HOXA11: variants seen among roughly 807,000 people sequenced by gnomAD.
The protein encoded by HOXA11 is homeobox protein Hox-A11.
HOXA11 carries 8 observed loss-of-function variants against 22.5 expected under a neutral mutation model. The observed-to-expected ratio is 0.36, with a 90% CI of 0.21 to 0.64. The LOEUF (loss-of-function observed/expected upper bound fraction) is 0.64, where lower values mean the gene tolerates loss of function less well. Ranked by LOEUF, HOXA11 falls within the 30% of genes least tolerant of loss-of-function variation. The pLI is 0.67. For synonymous variants in HOXA11, 211 were observed against 188.4 expected, an observed-to-expected ratio of 1.12 and a Z score of -0.98; for missense variants, 388 against 429.0, an observed-to-expected ratio of 0.90 and a Z score of 0.84.
Position 27,185,099 on chromosome 7 carries a change from GC to G in HOXA11, c.45del (p.Leu15PhefsTer29), listed in dbSNP as rs1783843374. The stretch of plus-strand genomic sequence containing the variant: ...CCCGAGACGTAGTAAGTACAACTTG[GC>G]AAATACATGTTAGAGGAGCAGGGAC... The part of the protein sequence containing the change: ...ERGPCSSNMY[L>X]PSCTYYVSGP... On this transcript the variant is annotated frameshift_variant, in exon 1 of 2. Coordinates refer to ENST00000006015, the MANE Select transcript of HOXA11 (RefSeq NM_005523.6). LOFTEE classifies it high-confidence loss of function. 6.2e-7 allele frequency: 1 copy of G among 1,614,008 alleles called. No individual in the cohort carries two copies. The highest frequency in any genetic ancestry group is 1.3e-5 in the African/African-American group (1 of 74,934).
Position 27,182,418 on chromosome 7 carries a change from C to G in HOXA11, c.*378G>C, listed in dbSNP as rs956345080. 1.9e-5 allele frequency: 8 copies of G among 419,300 alleles called. No individual in the cohort carries two copies. The highest frequency in any genetic ancestry group is 3.1e-5 in the Non-Finnish European group (7 of 226,234). The allele number at this position is 419,300 out of a possible 1,614,324, so 26.0% of individuals were successfully genotyped here. A position where few individuals can be genotyped will look rare whatever the true frequency, so the allele number is the denominator to read the frequency against. ...GCACACAGCTTTTTTACTCAGGGGT[C>G]CTGGGGGTGGGTAGGCTCCCAGTAG... On this transcript the variant is annotated 3_prime_UTR_variant, in exon 2 of 2. Coordinates refer to ENST00000006015, the MANE Select transcript of HOXA11 (RefSeq NM_005523.6).
In HOXA11 at chr7:27,182,361, C is replaced by A. The variant is rs964336522; in HGVS notation, c.*435G>T. 3.0e-6 allele frequency: 1 copy of A among 331,262 alleles called. No individual in the cohort carries two copies. Among genetic ancestry groups the A allele is most frequent in the Non-Finnish European group, 5.7e-6 (1 of 176,888 alleles). 20.5% of individuals were successfully genotyped at this position (331,262 alleles called of 1,614,324 possible). A position where few individuals can be genotyped will look rare whatever the true frequency, so the allele number is the denominator to read the frequency against. Reference sequence around the variant, plus strand: ...CTAGTAATCCTACCCCTTCCTCCTGCCCCTGTCCCCAAGCTGAACTGGGCT... The same window carrying A: ...CTAGTAATCCTACCCCTTCCTCCTGACCCTGTCCCCAAGCTGAACTGGGCT... On this transcript the variant is annotated 3_prime_UTR_variant, in exon 2 of 2. Transcript: ENST00000006015.
Position 27,185,042 on chromosome 7 carries a change from G to A in HOXA11, c.103C>T (p.Pro35Ser), listed in dbSNP as rs777801406. 7 of 1,614,078 alleles carry A rather than the reference G, an allele frequency of 4.3e-6. No homozygotes were observed. The highest frequency in any genetic ancestry group is 2.7e-5 in the African/African-American group (2 of 74,914). Reference sequence around the variant, plus strand: ...ATTGGGCGCGAAGACGGGGTCTGGGGCAGAAAAGAAGGGAGGCTGGAGAAA... The same window carrying A: ...ATTGGGCGCGAAGACGGGGTCTGGGACAGAAAAGAAGGGAGGCTGGAGAAA... The part of the protein sequence containing the change: ...PDFSSLPSFL[P>S]QTPSSRPMTY... The change falls in exon 1 of 2, where the codon CCC becomes TCC. Residue 35 changes from proline (P) to serine (S), a missense_variant. Pro to Ser is a moderately conservative substitution (Grantham distance 74). Transcript: ENST00000006015.
chr7:27,181,536 A>G lies in HOXA11; in HGVS notation c.*1260T>C. 1 of 194,228 alleles carries G rather than the reference A, an allele frequency of 5.1e-6. No homozygotes were observed. Among genetic ancestry groups the G allele is most frequent in the East Asian group, 8.0e-5 (1 of 12,454 alleles). The allele number at this position is 194,228 out of a possible 1,614,324, so 12.0% of individuals were successfully genotyped here. ...AAAATTGATTATGGTTCCTTTATTT[A>G]CAAGTTTTTTGAACACCATCCCTGT... On this transcript the variant is annotated 3_prime_UTR_variant, in exon 2 of 2. Coordinates refer to ENST00000006015, the MANE Select transcript of HOXA11 (RefSeq NM_005523.6).
rs1783835308 is a variant in HOXA11 at position 27,184,788 on chromosome 7, G to A, written c.357C>T (p.Thr119=). ...TATAGAAATTGGACGAGACTGCGGG[G>A]GTGGGGTGGTGGTAGACGTTGGCCG... The part of the protein sequence containing the change: ...KSSANVYHHP[T]PAVSSNFYST... The change falls in exon 1 of 2, where the codon ACC becomes ACT. Residue 119 remains threonine (T), a synonymous_variant. Transcript: ENST00000006015. The A allele has an allele frequency of 6.2e-7, 1 of 1,613,960 alleles. No homozygotes were observed. Among genetic ancestry groups the A allele is most frequent in the South Asian group, 1.1e-5 (1 of 91,088 alleles).
Position 27,185,230 on chromosome 7 carries a change from T to C in HOXA11, c.-86A>G, listed in dbSNP as rs1222914790. 1 of 1,587,578 alleles carries C rather than the reference T, an allele frequency of 6.3e-7. No individual in the cohort carries two copies. The highest frequency in any genetic ancestry group is 8.6e-7 in the Non-Finnish European group (1 of 1,161,408). On this transcript the variant is annotated 5_prime_UTR_variant, in exon 1 of 2. Transcript: ENST00000006015. ...GCCTCTTTGAAGCGGATCCGTGAAG[T>C]AGAAATTTGGAGACGTAAGCTGACG...
rs749763184 is a variant in HOXA11, at chr7:27,184,922, G to T, written c.223C>A (p.Pro75Thr). The T allele has an allele frequency of 1.1e-5, 18 of 1,614,042 alleles. No individual in the cohort carries two copies. The African/African-American group carries it at 1.5e-4, about 13-fold the overall frequency. The change falls in exon 1 of 2, where the codon CCC (proline) becomes ACC (threonine). Residue 75 changes from proline to threonine, a missense_variant. Transcript: ENST00000006015. ...TAGCAGTGGGCCAGATTGCCGCGGG[G>T]GTGCCATTTAGTGGCGGGCTCAATG... ...YAIEPATKWH[P>T]RGNLAHCYSA... is the part of the protein sequence containing the mutation.
intron 1 of HOXA11, among the ~76,000 whole-genome samples, chr7:27,184,133 C>T (rs1783815833): frequency 6.6e-6 from 1 of 152,168 alleles, no homozygotes; most frequent in South Asian, 2.1e-4. Flanking sequence ...CCTCCGGCTC[C>T]CCAGCCTGGA....
Position 27,183,049 on chromosome 7 carries a change from TG to T in HOXA11, c.710-22del, listed in dbSNP as rs770522667. On this transcript the variant is annotated intron_variant, in intron 1 of 1. Transcript: ENST00000006015. The stretch of plus-strand genomic sequence containing the variant: ...GCCACCTGTGGAGGGAGAAAAGGCA[TG>T]GGGTGAGCCAGGTGTGGGGGCTGCA... 9.0e-6 allele frequency: 14 copies of T among 1,552,510 alleles called. No homozygotes were observed. The African/African-American group carries it at 1.9e-4, about 21-fold the overall frequency.
In HOXA11 at chr7:27,181,678, T is replaced by C. The variant is rs1181318140; in HGVS notation, c.*1118A>G. On this transcript the variant is annotated 3_prime_UTR_variant, in exon 2 of 2. Transcript: ENST00000006015. ...CTTTTCCCCTCTACATTGCATCTTT[T>C]AAAATTCGCTTTGGTTCCTTCAGGG... The C allele has an allele frequency of 5.6e-6, 1 of 178,044 alleles. No homozygotes were observed. Among genetic ancestry groups the C allele is most frequent in the Non-Finnish European group, 1.2e-5 (1 of 82,938 alleles). The allele number at this position is 178,044 out of a possible 1,614,324, so 11.0% of individuals were successfully genotyped here.
At position 27,182,734 on chromosome 7, in the gene HOXA11, G is replaced by A. The variant is rs1783791071; in HGVS notation, c.*62C>T. The A allele has an allele frequency of 5.5e-6, 6 of 1,095,762 alleles. No homozygotes were observed. Among genetic ancestry groups the A allele is most frequent in the Non-Finnish European group, 8.5e-6 (6 of 707,960 alleles). The allele number at this position is 1,095,762 out of a possible 1,614,324, so 67.9% of individuals were successfully genotyped here. A position where few individuals can be genotyped will look rare whatever the true frequency, so the allele number is the denominator to read the frequency against. ...ACCATGTGGCTTGACTTTGTCAAGG[G>A]CAAAATCTGCATATTATCTCATGTG... On this transcript the variant is annotated 3_prime_UTR_variant, in exon 2 of 2. Coordinates refer to ENST00000006015, the MANE Select transcript of HOXA11 (RefSeq NM_005523.6).
rs985610829 is a variant in HOXA11, at chr7:27,182,627, A to G, written c.*169T>C. On this transcript the variant is annotated 3_prime_UTR_variant, in exon 2 of 2. Coordinates refer to ENST00000006015, the MANE Select transcript of HOXA11 (RefSeq NM_005523.6). ...ATTATTAGGAATCTTAACCACTGAG[A>G]TCTTAATCAAGAGAGTCCCAGACCA... 8.8e-6 allele frequency: 6 copies of G among 684,716 alleles called. No homozygotes were observed. The African/African-American group carries it at 1.1e-4, about 12-fold the overall frequency. 42.4% of individuals were successfully genotyped at this position (684,716 alleles called of 1,614,324 possible). A position where few individuals can be genotyped will look rare whatever the true frequency, so the allele number is the denominator to read the frequency against.
In HOXA11 at chr7:27,184,705, G is replaced by T. The variant is rs1783832827; in HGVS notation, c.440C>A (p.Ala147Asp). The T allele has an allele frequency of 1.2e-6, 2 of 1,613,660 alleles. No individual in the cohort carries two copies. Among genetic ancestry groups the T allele is most frequent in the South Asian group, 2.2e-5 (2 of 91,080 alleles). The change falls in exon 1 of 2, where the codon GCC becomes GAC. Residue 147 changes from alanine to aspartate, a missense_variant. By Grantham distance (126) the Ala-to-Asp change is moderately radical (BLOSUM62 -2). This residue lies in a region of HOXA11 where 295 missense variants were observed against 281.1 expected (regional missense o/e 1.05). Coordinates refer to ENST00000006015, the MANE Select transcript of HOXA11 (RefSeq NM_005523.6). ...GGCGAGGTTTTCCGGGGTGCCGTAGGCTGTCTCGAAAAACTGGTCGAAAGC... is the reference window on the plus strand; with the variant it reads ...GGCGAGGTTTTCCGGGGTGCCGTAGTCTGTCTCGAAAAACTGGTCGAAAGC... ...PQAFDQFFET[A>D]YGTPENLASS...
At chr7:27,183,430 C>T (rs898596972) in intron 1 of HOXA11, among the ~76,000 whole-genome samples, 5 of 152,244 alleles carry the variant, frequency 3.3e-5, no homozygotes, top group Middle Eastern at 3.2e-3. Context: ...CTGGGCTGCC[C>T]CTTCCCAAGG....
chr7:27,184,433 T>C lies in HOXA11; in HGVS notation c.709+3A>G. On this transcript the variant is annotated splice_donor_region_variant and intron_variant, in intron 1 of 1. Transcript: ENST00000006015. ...AAGCGCAGGGCGCTGCCTTTATACG[T>C]ACTGGAGCCGCCGGCCTTGTCCTCA... is the stretch of plus-strand genomic sequence containing the variant. 1 of 1,578,188 alleles carries C rather than the reference T, an allele frequency of 6.3e-7. No individual in the cohort carries two copies. The highest frequency in any genetic ancestry group is 8.6e-7 in the Non-Finnish European group (1 of 1,162,512).
rs368315894 is a variant in HOXA11, at chr7:27,182,949, G to T, written c.789C>A (p.Ser263Arg). 6.2e-7 allele frequency: 1 copy of T among 1,614,082 alleles called. No individual in the cohort carries two copies. The highest frequency in any genetic ancestry group is 1.7e-5 in the Admixed American group (1 of 60,024). Residue 263 changes from serine to arginine, a missense_variant, in exon 2 of 2, where the codon AGC (serine) becomes AGA (arginine). By Grantham distance (110) the Ser-to-Arg change is moderately radical (BLOSUM62 -1). Transcript: ENST00000006015. ...IRELEREFFFSVYINKEKRLQ... is the reference protein window; with the variant it reads ...IRELEREFFFRVYINKEKRLQ... ...GGCGCTTCTCTTTGTTAATGTAGAC[G>T]CTGAAGAAGAACTCCCGTTCCAGCT...
rs1783760953 is a variant in HOXA11 at position 27,181,283 on chromosome 7, A to T, written c.*1513T>A. Among the ~76,000 whole-genome samples, 1 of 152,160 alleles carries T rather than the reference A, an allele frequency of 6.6e-6. No individual in the cohort carries two copies. Among genetic ancestry groups the T allele is most frequent in the Non-Finnish European group, 1.5e-5 (1 of 68,030 alleles). ...CCCAGTACAAATGGAGCCAACAGAC[A>T]TTTCTTAACACAGGGAGGCAAAGGA... is the stretch of plus-strand genomic sequence containing the variant. On this transcript the variant is annotated 3_prime_UTR_variant, in exon 2 of 2. Coordinates refer to ENST00000006015, the MANE Select transcript of HOXA11 (RefSeq NM_005523.6).
At position 27,182,798 on chromosome 7, in the gene HOXA11, A is replaced by G. The variant is rs748520497; in HGVS notation, c.940T>C (p.Ter314GlnextTer16). Residue 314 changes from the stop codon to glutamine, a stop_lost, in exon 2 of 2, where the codon TAA becomes CAA. Coordinates refer to ENST00000006015, the MANE Select transcript of HOXA11 (RefSeq NM_005523.6). ...LQYYSANPLL[*>Q] is the part of the protein sequence containing the mutation. ...ACCCAATTCCAGCCGCTGGAGTCTTAGAGGAGTGGATTTGCTGAGTAGTAC... is the reference window on the plus strand; with the variant it reads ...ACCCAATTCCAGCCGCTGGAGTCTTGGAGGAGTGGATTTGCTGAGTAGTAC... 1 of 1,579,780 alleles carries G rather than the reference A, an allele frequency of 6.3e-7. No homozygotes were observed. The highest frequency in any genetic ancestry group is 1.1e-5 in the South Asian group (1 of 90,444).
At position 27,184,806 on chromosome 7, in the gene HOXA11, G is replaced by T. The variant is rs779688027; in HGVS notation, c.339C>A (p.Asn113Lys). Residue 113 changes from asparagine (N) to lysine (K), a missense_variant, in exon 1 of 2, where the codon AAC (asparagine) becomes AAA (lysine). Physicochemically the swap from Asn to Lys is moderately conservative, Grantham distance 94. Around this residue, in one of 4 missense-constraint regions of HOXA11, gnomAD observed 295 missense variants for 281.1 expected, o/e 1.05. Transcript: ENST00000006015. ...PGDVLAKSSA[N>K]VYHHPTPAVS... ...CTGCGGGGGTGGGGTGGTGGTAGAC[G>T]TTGGCCGAGCTCTTGGCCAGCACGT... 1.9e-6 allele frequency: 3 copies of T among 1,613,786 alleles called. No homozygotes were observed. The highest frequency in any genetic ancestry group is 1.1e-5 in the South Asian group (1 of 91,092).
Sources: allele counts gnomAD v4.1 joint callset (sites outside exome capture counted in the v4.1 genomes callset), GRCh38; gene constraint gnomAD v4.1.1; regional missense constraint gnomAD v4.1.1; transcripts MANE v1.5; gene names NCBI Gene and HGNC (gene_info 2026-07-23, HGNC 2026-07-21).